MIA2: variants seen among roughly 807,000 people sequenced by gnomAD.
The protein encoded by MIA2 is melanoma inhibitory activity protein 2.
A neutral mutation model predicts 167.8 loss-of-function variants in MIA2; 127 were observed. The ratio of observed to expected loss-of-function variants is 0.76; its 90% CI spans 0.66 to 0.88. The LOEUF (loss-of-function observed/expected upper bound fraction) is 0.88, where lower values mean the gene tolerates loss of function less well. Ranked by LOEUF, MIA2 falls within the 40% of genes least tolerant of loss-of-function variation. The probability of loss-of-function intolerance (pLI) is 0.00; values close to 1 mark genes in which losing one functional copy is unlikely to be tolerated. For missense variants in MIA2, 1,690 were observed against 1,624.7 expected, an observed-to-expected ratio of 1.04 and a Z score of -0.69; for synonymous variants, 552 against 541.9, an observed-to-expected ratio of 1.02 and a Z score of -0.26.
intron 25 of MIA2, among the ~76,000 whole-genome samples, chr14:39,333,157 G>T (rs2069341627): frequency 6.6e-6 from 1 of 151,918 alleles, no homozygotes; most frequent in Admixed American, 6.6e-5. Flanking sequence ...TCATCTTGAG[G>T]TTGGCCTCTA....
intron 9 of MIA2, among the ~76,000 whole-genome samples, chr14:39,288,302 A>C (rs7159130): frequency 6.8e-6 from 1 of 147,774 alleles, no homozygotes; most frequent in Non-Finnish European, 1.5e-5. Context: ...CTCTCAAAAG[A>C]AAAAAAAAAT....
At chr14:39,288,469 A>AT (rs1289953072) in intron 9 of MIA2, among the ~76,000 whole-genome samples, 1 of 52,710 alleles carries the variant, frequency 1.9e-5, no homozygotes, top group Non-Finnish European at 3.0e-5. Flanking sequence ...ATATATATAT[A>AT]TATATATTTT....
downstream of MIA2, among the ~76,000 whole-genome samples, chr14:39,352,378 T>C (rs1381336912): frequency 6.6e-6 from 1 of 152,080 alleles, no homozygotes; most frequent in African/African-American, 2.4e-5. Flanking sequence ...TTATTTATCT[T>C]GTCTTTGGTT....
chr14:39,354,141 A>G (rs998758275), downstream of MIA2, among the ~76,000 whole-genome samples: 3 of 152,168 alleles, frequency 2.0e-5, no homozygotes, highest in African/African-American at 4.8e-5. Context: ...AATCACCACA[A>G]TCACTTCCAC....
chr14:39,320,774 C>G (rs1408184497), intron 23 of MIA2, among the ~76,000 whole-genome samples, 154 bp from the exon 24 acceptor site: 2 of 152,074 alleles, frequency 1.3e-5, no homozygotes, highest in Non-Finnish European at 2.9e-5. Flanking sequence ...TAATTCTGTT[C>G]TATATTAGCA....
At chr14:39,284,784 G>A (rs905016007) in intron 9 of MIA2, among the ~76,000 whole-genome samples, 3 of 149,960 alleles carry the variant, frequency 2.0e-5, no homozygotes, top group African/African-American at 7.4e-5. Context: ...ATCATTCTTG[G>A]GTGTTTCTCG....
chr14:39,291,250 G>A, intron 10 of MIA2, 154 bp downstream of exon 10: 1 of 561,056 alleles, frequency 1.8e-6, no homozygotes, highest in East Asian at 3.5e-5. Flanking sequence ...TATAGGAAAT[G>A]GGACAATAGG....
chr14:39,376,449 A>G (rs536717356), intron 23 of MIA2, among the ~76,000 whole-genome samples: 1 of 152,230 alleles, frequency 6.6e-6, no homozygotes, highest in Non-Finnish European at 1.5e-5. Context: ...AGATAGCTCT[A>G]TCATTTAAAA....
chr14:39,237,986 C>T (rs1010184893), intron 2 of MIA2, among the ~76,000 whole-genome samples: 58 of 150,944 alleles, frequency 3.8e-4, no homozygotes, highest in African/African-American at 1.2e-3. Context: ...GTGATCCACC[C>T]GCCTTGGCCT....
At chr14:39,348,089 AGGTGTGAGCTGCTGCGCCT>A (rs1398531224) in intron 27 of MIA2, among the ~76,000 whole-genome samples, 1 of 152,168 alleles carries the variant, frequency 6.6e-6, no homozygotes, top group Non-Finnish European at 1.5e-5. Context: ...CTGGTATTAC[AGGTGTGAGCTGCTGCGCCT>A]GGCCCTGAGC....
chr14:39,304,703 AT>A (rs1476086330), intron 17 of MIA2, among the ~76,000 whole-genome samples: 1 of 152,196 alleles, frequency 6.6e-6, no homozygotes, highest in Non-Finnish European at 1.5e-5. Flanking sequence ...TTGAAACTTA[AT>A]GTTTAAAGTC....
chr14:39,281,251 T>C (rs1265826370), intron 9 of MIA2, among the ~76,000 whole-genome samples: 1 of 152,176 alleles, frequency 6.6e-6, no homozygotes, highest in Non-Finnish European at 1.5e-5. Context: ...ACACTCTTGA[T>C]TGTTACTTTT....
chr14:39,385,992 C>A, intron 23 of MIA2: 1 of 865,916 alleles, frequency 1.2e-6, no homozygotes, highest in Admixed American at 2.0e-5. Context: ...AGCAAGAACG[C>A]CTCCATCCAG....
At chr14:39,276,721 TC>T (rs1193798835) in intron 6 of MIA2, 1 of 488,704 alleles carries the variant, frequency 2.0e-6, no homozygotes, top group African/African-American at 2.0e-5. Context: ...TCTGTAGAAC[TC>T]CAGTTTGAAG....
chr14:39,351,996 A>AT (rs11294734), downstream of MIA2, among the ~76,000 whole-genome samples: 123 of 150,756 alleles, frequency 8.2e-4, no homozygotes, highest in South Asian at 7.1e-3. Context: ...CAAATGACCG[A>AT]TTTTTTTTTT....
At chr14:39,357,672 T>G (rs2074564794) in intron 23 of MIA2, among the ~76,000 whole-genome samples, 1 of 152,220 alleles carries the variant, frequency 6.6e-6, no homozygotes, top group Admixed American at 6.5e-5. Context: ...ATTTGGCATG[T>G]TTTTGCAGTG....
At position 39,288,477 on chromosome 14, in the gene MIA2, T is replaced by TTG. The variant is rs1566749083; in HGVS notation, c.2131-2541_2131-2540insGT. Among the ~76,000 whole-genome samples the TTG allele has an allele frequency of 1.1e-4, 7 of 61,770 alleles. 2 individuals carry two copies. The highest frequency in any genetic ancestry group is 1.6e-4 in the African/African-American group (3 of 19,272). The allele number at this position is 61,770 out of a possible 152,430, so 40.5% of individuals were successfully genotyped here. Reference sequence around the variant, plus strand: ...TATATATATATATATATATATATATTTTTTTTTTTTTTTTTGAGACGGAGT... The same window carrying TTG: ...TATATATATATATATATATATATATTTGTTTTTTTTTTTTTTTGAGACGGAGT... On this transcript the variant is annotated intron_variant, in intron 9 of 28. Transcript: ENST00000640607.
chr14:39,308,347 T>C, intron 17 of MIA2, 102 bp from the exon 18 acceptor site: 1 of 715,164 alleles, frequency 1.4e-6, no homozygotes, highest in Non-Finnish European at 2.1e-6. Context: ...AGAGTTTAGT[T>C]TATTAATAAT....
downstream of MIA2, among the ~76,000 whole-genome samples, chr14:39,351,824 G>A (rs143237824): frequency 0.032 from 4,825 of 152,186 alleles, 275 homozygotes; most frequent in African/African-American, 0.11. Context: ...AGCCAGGATG[G>A]TCTCAATCTC....
Sources: allele counts gnomAD v4.1 joint callset (sites outside exome capture counted in the v4.1 genomes callset), GRCh38; gene constraint gnomAD v4.1.1; transcripts MANE v1.5; gene names NCBI Gene and HGNC (gene_info 2026-07-23, HGNC 2026-07-21).